Variants in NKIRAS1 observed in about 807,000 individuals in gnomAD.
NKIRAS1 encodes NFKB inhibitor interacting Ras like 1, also known as NF-kappa-B inhibitor-interacting Ras-like protein 1.
NKIRAS1 carries 16 observed loss-of-function variants against 19.8 expected under a neutral mutation model. That is an observed-to-expected ratio of 0.81 (90% CI 0.55 to 1.23). The LOEUF (loss-of-function observed/expected upper bound fraction) is 1.23, where lower values mean the gene tolerates loss of function less well. Ranked by LOEUF, NKIRAS1 falls within the 50% of genes most tolerant of loss-of-function variation. The pLI is 0.00. For missense variants in NKIRAS1, 184 were observed against 220.0 expected, an observed-to-expected ratio of 0.84 and a Z score of 1.04; for synonymous variants, 88 against 79.0, an observed-to-expected ratio of 1.11 and a Z score of -0.61.
chr3:23,900,809 T>C lies in NKIRAS1; in HGVS notation c.335A>G (p.Glu112Gly). ...KEIDKFKDKK[E>G]VAIVVLGNKI... ...GGCATTTTTAACATATCCACTTGCC[T>C]CTTTTTTGTCTTTGAACTTATCGAT... The change falls in exon 4 of 5, where the codon GAG (glutamate) becomes GGG (glycine). Residue 112 changes from glutamate to glycine, a missense_variant and splice_region_variant. Coordinates refer to ENST00000425478, the MANE Select transcript of NKIRAS1 (RefSeq NM_020345.4). The C allele has an allele frequency of 1.2e-6, 2 of 1,612,182 alleles. No individual in the cohort carries two copies. The highest frequency in any genetic ancestry group is 1.1e-5 in the South Asian group (1 of 90,942).
At chr3:23,909,966 C>A (rs922249348) in intron 3 of NKIRAS1, among the ~76,000 whole-genome samples, 1 of 147,202 alleles carries the variant, frequency 6.8e-6, no homozygotes, top group African/African-American at 2.5e-5. Flanking sequence ...TCAAGCGATT[C>A]TCCTACCTCA....
At chr3:23,914,363 C>T (rs770584067) in intron 1 of NKIRAS1, among the ~76,000 whole-genome samples, 1 of 152,076 alleles carries the variant, frequency 6.6e-6, no homozygotes, top group Non-Finnish European at 1.5e-5. Context: ...AAAAACAATA[C>T]CAAAACACTG....
intron 3 of NKIRAS1, among the ~76,000 whole-genome samples, chr3:23,908,615 G>T (rs563274423): frequency 1.3e-5 from 2 of 152,134 alleles, no homozygotes; most frequent in Non-Finnish European, 2.9e-5. Flanking sequence ...GTTATTTTAG[G>T]ATATAATGAG....
intron 4 of NKIRAS1, among the ~76,000 whole-genome samples, chr3:23,897,399 T>G (rs1430131499): frequency 6.6e-6 from 1 of 152,192 alleles, no homozygotes; most frequent in Non-Finnish European, 1.5e-5. Context: ...TTTTTACATA[T>G]GATTGTCATT....
intron 1 of NKIRAS1, among the ~76,000 whole-genome samples, chr3:23,940,456 A>G (rs1323757383): frequency 6.6e-6 from 1 of 152,054 alleles, no homozygotes; most frequent in African/African-American, 2.4e-5. Flanking sequence ...CTCATAAGCT[A>G]TTATTATTGC....
At chr3:23,945,795 CCGCA>C (rs1705661621) in intron 1 of NKIRAS1, among the ~76,000 whole-genome samples, 2 of 150,542 alleles carry the variant, frequency 1.3e-5, no homozygotes, top group African/African-American at 4.8e-5. Flanking sequence ...CCCTGCAAAG[CCGCA>C]GCGCGGCCTG....
At chr3:23,903,545 C>CA (rs1240440815) in intron 3 of NKIRAS1, among the ~76,000 whole-genome samples, 1 of 151,888 alleles carries the variant, frequency 6.6e-6, no homozygotes, top group Non-Finnish European at 1.5e-5. Flanking sequence ...AACAAACAAA[C>CA]AAAAAACTAC....
At chr3:23,917,686 G>A, upstream of NKIRAS1, 1 of 656,582 alleles carries the variant, frequency 1.5e-6, no homozygotes. Flanking sequence ...GCGGCTCCGT[G>A]GGCGCAGTGG....
rs564347667 is a variant in NKIRAS1, at chr3:23,892,234, T to C, written c.*861A>G. ...ATTGCTTGAGTCTTGCCAAAATCTT[T>C]AGAGAAACAACACAAACTCAGACAT... On this transcript the variant is annotated 3_prime_UTR_variant, in exon 5 of 5. Transcript: ENST00000425478. The C allele has an allele frequency of 1.3e-5, 2 of 152,328 alleles. No individual in the cohort carries two copies. The highest frequency in any genetic ancestry group is 3.9e-4 in the East Asian group (2 of 5,190). The allele number at this position is 152,328 out of a possible 1,614,324, so 9.4% of individuals were successfully genotyped here. A position where few individuals can be genotyped will look rare whatever the true frequency, so the allele number is the denominator to read the frequency against.
chr3:23,904,875 A>G (rs1702869342), intron 3 of NKIRAS1, among the ~76,000 whole-genome samples: 1 of 152,260 alleles, frequency 6.6e-6, no homozygotes. Flanking sequence ...CAATAGCTCC[A>G]AACTGGAAAA....
intron 1 of NKIRAS1, among the ~76,000 whole-genome samples, chr3:23,941,968 TTTAC>T (rs200281518): frequency 0.01 from 1,193 of 114,874 alleles, 14 homozygotes; most frequent in African/African-American, 0.033. Flanking sequence ...TCTTTATTTA[TTTAC>T]TTATTTATTT....
At chr3:23,935,044 T>C (rs1405950912) in intron 1 of NKIRAS1, among the ~76,000 whole-genome samples, 1 of 152,174 alleles carries the variant, frequency 6.6e-6, no homozygotes, top group Non-Finnish European at 1.5e-5. Flanking sequence ...CTTAAAGCTT[T>C]CTCAGTTCTT....
chr3:23,940,703 T>C (rs1457876236), intron 1 of NKIRAS1, among the ~76,000 whole-genome samples: 1 of 139,944 alleles, frequency 7.1e-6, no homozygotes. Context: ...AAAATCATTT[T>C]TTTAGTTAAA....
In NKIRAS1 at chr3:23,930,117, G is replaced by A. The variant is rs183257441; in HGVS notation, c.-140+16206C>T. ...CATTGGAGAGCTAATAAGCAATGAA[G>A]AATTACAGAACCCAGATCTGGAAGA... On this transcript the variant is annotated intron_variant, in intron 1 of 4. Transcript: ENST00000421515. Among the ~76,000 whole-genome samples the A allele has an allele frequency of 1.7e-4, 26 of 152,260 alleles. No homozygotes were observed. In the East Asian group the frequency reaches 4.6e-3, roughly 27 times the overall value.
In NKIRAS1 at chr3:23,893,281, G is replaced by A. The variant is rs3762775; in HGVS notation, c.393C>T (p.Asp131=). 144,103 of 1,613,426 alleles carry A rather than the reference G, an allele frequency of 0.089. 8,506 individuals are homozygous for A. Among genetic ancestry groups the A allele is most frequent in the African/African-American group, 0.25 (18,404 of 74,876 alleles). The part of the protein sequence containing the change: ...KIDLSEQRQV[D]AEVAQQWAKS... ...TTGCCCACTGCTGTGCCACTTCAGCGTCCACTTGTCTCTGCTCAGAAAGGT... is the reference window on the plus strand; with the variant it reads ...TTGCCCACTGCTGTGCCACTTCAGCATCCACTTGTCTCTGCTCAGAAAGGT... Residue 131 remains aspartate (D), a synonymous_variant, in exon 5 of 5, where the codon GAC becomes GAT. Coordinates refer to ENST00000425478, the MANE Select transcript of NKIRAS1 (RefSeq NM_020345.4).
intron 3 of NKIRAS1, among the ~76,000 whole-genome samples, chr3:23,905,098 G>C (rs1275019654): frequency 2.0e-5 from 3 of 152,184 alleles, no homozygotes; most frequent in South Asian, 2.1e-4. Context: ...CAAAGTGCTG[G>C]GATTCCAGTG....
At chr3:23,914,331 C>T (rs976465638) in intron 1 of NKIRAS1, among the ~76,000 whole-genome samples, 2 of 152,138 alleles carry the variant, frequency 1.3e-5, no homozygotes, top group Non-Finnish European at 2.9e-5. Flanking sequence ...ATAAGTAAAA[C>T]ACAACTTTCT....
At chr3:23,941,152 T>C (rs986564762) in intron 1 of NKIRAS1, among the ~76,000 whole-genome samples, 7 of 152,340 alleles carry the variant, frequency 4.6e-5, no homozygotes, top group Middle Eastern at 3.4e-3. Flanking sequence ...GCAGGACTCA[T>C]TGGAACATTT....
upstream of NKIRAS1, chr3:23,917,804 T>A (rs1033841668): frequency 1.5e-5 from 23 of 1,530,438 alleles, no homozygotes. Flanking sequence ...AGTCGTCTTA[T>A]TGTACTTAAA....
Sources: gnomAD v4.1 joint callset for allele counts (sites outside exome capture counted in the v4.1 genomes callset) on GRCh38, gnomAD v4.1.1 for gene constraint, MANE v1.5 for transcripts, NCBI Gene and HGNC (gene_info 2026-07-23, HGNC 2026-07-21) for gene names.